The following GRK3 variants were observed in gnomAD, a reference collection of about 807,000 sequenced individuals.
GRK3 encodes the protein adrenergic, beta, receptor kinase 2.
Under a neutral mutation model 95.7 loss-of-function variants are expected in GRK3, and 54 were observed. The observed-to-expected ratio is 0.56, with a 90% CI of 0.45 to 0.71. GRK3 has a LOEUF of 0.71. Ranked by LOEUF, GRK3 falls within the 30% of genes least tolerant of loss-of-function variation. The probability of loss-of-function intolerance (pLI) is 0.00; values close to 1 mark genes in which losing one functional copy is unlikely to be tolerated. For missense variants in GRK3, 649 were observed against 851.2 expected, an observed-to-expected ratio of 0.76 and a Z score of 2.96; for synonymous variants, 281 against 290.8, an observed-to-expected ratio of 0.97 and a Z score of 0.34.
At position 25,714,497 on chromosome 22, in the gene GRK3, A is replaced by G; in HGVS notation, c.1581A>G (p.Glu527=). 6 of 1,614,024 alleles carry G rather than the reference A, an allele frequency of 3.7e-6. No homozygotes were observed. The highest frequency in any genetic ancestry group is 5.1e-6 in the Non-Finnish European group (6 of 1,179,942). ...AAGAAGTAACGGAAACAGTTTATGA[A>G]GCAGTAAATGCAGACACAGATAAAA... ...WQQEVTETVY[E]AVNADTDKIE... The change falls in exon 18 of 21, where the codon GAA becomes GAG. Residue 527 remains glutamate (E), a synonymous_variant. Coordinates refer to ENST00000324198, the MANE Select transcript of GRK3 (RefSeq NM_005160.4).
rs140577458 is a variant in GRK3 at position 25,629,607 on chromosome 22, G to A, written c.191-14985G>A. On this transcript the variant is annotated intron_variant, in intron 2 of 20. Coordinates refer to ENST00000324198, the MANE Select transcript of GRK3 (RefSeq NM_005160.4). The stretch of plus-strand genomic sequence containing the variant: ...GTCGTAAGGGACACCTGGCTGGTGG[G>A]TGGGCAGGTCAGGTCTGGGCAGGTC... 1.0e-3 allele frequency among the ~76,000 whole-genome samples: 156 copies of A among 152,334 alleles called. 1 individual carries two copies. The highest frequency in any genetic ancestry group is 3.7e-3 in the Admixed American group (57 of 15,306).
At chr22:25,648,651 T>C (rs959741697) in intron 3 of GRK3, 11 of 1,014,996 alleles carry the variant, frequency 1.1e-5, no homozygotes, top group South Asian at 9.0e-5. Flanking sequence ...TGTCACTGAA[T>C]TGATGTCAAA....
At chr22:25,602,155 A>G (rs1157815883) in intron 1 of GRK3, among the ~76,000 whole-genome samples, 1 of 152,246 alleles carries the variant, frequency 6.6e-6, no homozygotes, top group Non-Finnish European at 1.5e-5. Flanking sequence ...GGTAGAAAAA[A>G]CATTTGTCTA....
chr22:25,676,094 G>T (rs1337424757), intron 8 of GRK3, among the ~76,000 whole-genome samples: 2 of 152,192 alleles, frequency 1.3e-5, no homozygotes, highest in African/African-American at 2.4e-5. Flanking sequence ...CTTTCGGAAG[G>T]CTGCTTGTTG....
intron 13 of GRK3, among the ~76,000 whole-genome samples, chr22:25,700,720 TG>T (rs2085251907): frequency 6.6e-6 from 1 of 152,158 alleles, no homozygotes; most frequent in Non-Finnish European, 1.5e-5. Flanking sequence ...CCCGAGTAGC[TG>T]GGACTACAGG....
intron 1 of GRK3, among the ~76,000 whole-genome samples, chr22:25,592,339 C>T (rs1322782735): frequency 6.6e-6 from 1 of 152,092 alleles, no homozygotes; most frequent in East Asian, 1.9e-4. Context: ...TTTTCTTATT[C>T]TTGAGCTTTA....
intron 2 of GRK3, among the ~76,000 whole-genome samples, chr22:25,607,493 G>A (rs2084460075): frequency 6.6e-6 from 1 of 151,964 alleles, no homozygotes; most frequent in Non-Finnish European, 1.5e-5. Context: ...TTAACTTACC[G>A]AAGAAATTGG....
chr22:25,718,285 G>A lies in GRK3; in HGVS notation c.1695G>A (p.Met565Ile), dbSNP rs200945813. The change falls in exon 19 of 21, where the codon ATG (methionine) becomes ATA (isoleucine). Residue 565 changes from methionine (M) to isoleucine (I), a missense_variant. This residue lies in a region of GRK3 where 382 missense variants were observed against 493.8 expected (regional missense o/e 0.77). Transcript: ENST00000324198. Reference protein sequence around the residue: ...LGKDCIMHGYMLKLGNPFLTQ... With the variant: ...LGKDCIMHGYILKLGNPFLTQ... Reference sequence around the variant, plus strand: ...AGGACTGTATTATGCACGGGTACATGCTGAAACTGGGAAACCCATTTCTGA... The same window carrying A: ...AGGACTGTATTATGCACGGGTACATACTGAAACTGGGAAACCCATTTCTGA... The A allele has an allele frequency of 5.8e-5, 93 of 1,613,980 alleles. No homozygotes were observed. The highest frequency in any genetic ancestry group is 7.1e-5 in the Non-Finnish European group (84 of 1,180,000).
intron 6 of GRK3, among the ~76,000 whole-genome samples, chr22:25,672,094 A>T (rs1254899594): frequency 6.6e-6 from 1 of 152,234 alleles, no homozygotes. Flanking sequence ...ACAATTAAAG[A>T]AGAAACATGA....
chr22:25,572,874 G>A (rs575795781), intron 1 of GRK3, among the ~76,000 whole-genome samples: 115 of 152,252 alleles, frequency 7.6e-4, no homozygotes, highest in Non-Finnish European at 1.2e-3. Context: ...GAATAACATA[G>A]GATTGTAGTA....
chr22:25,678,297 A>C (rs1050565939), intron 8 of GRK3, among the ~76,000 whole-genome samples: 5 of 152,150 alleles, frequency 3.3e-5, no homozygotes, highest in African/African-American at 1.2e-4. Context: ...TACTAAAAAT[A>C]CAAAAAAATT....
rs369523130 is a variant in GRK3 at position 25,695,070 on chromosome 22, C to T, written c.1053-37C>T. 20 of 1,485,758 alleles carry T rather than the reference C, an allele frequency of 1.3e-5. No homozygotes were observed. In the African/African-American group the frequency reaches 2.2e-4, roughly 16 times the overall value. The allele number at this position is 1,485,758 out of a possible 1,614,324, so 92.0% of individuals were successfully genotyped here. A position where few individuals can be genotyped will look rare whatever the true frequency, so the allele number is the denominator to read the frequency against. The stretch of plus-strand genomic sequence containing the variant: ...CGCTGTTAGTGTTTTCTAAAGTGGG[C>T]ATGCTCTGATAACTGTGTATACTTT... On this transcript the variant is annotated intron_variant, in intron 12 of 20. Transcript: ENST00000324198.
intron 1 of GRK3, among the ~76,000 whole-genome samples, chr22:25,588,016 CT>C: frequency 6.6e-6 from 1 of 152,292 alleles, no homozygotes; most frequent in Middle Eastern, 3.4e-3. Context: ...CCAGGCTGGT[CT>C]CAAACTCCTG....
intron 1 of GRK3, among the ~76,000 whole-genome samples, chr22:25,575,125 C>T (rs1931845717): frequency 6.6e-6 from 1 of 152,170 alleles, no homozygotes; most frequent in African/African-American, 2.4e-5. Context: ...TTATTAAATT[C>T]CACATGGAAA....
chr22:25,580,846 C>T (rs929985005), intron 1 of GRK3, among the ~76,000 whole-genome samples: 1 of 152,150 alleles, frequency 6.6e-6, no homozygotes, highest in Non-Finnish European at 1.5e-5. Flanking sequence ...TGGGATAAGT[C>T]GAGTGGAGTG....
At chr22:25,707,545 C>A (rs569369179) in intron 15 of GRK3, among the ~76,000 whole-genome samples, 6 of 152,226 alleles carry the variant, frequency 3.9e-5, no homozygotes, top group African/African-American at 1.4e-4. Flanking sequence ...AAGACAGGTC[C>A]AGATAGTGAG....
chr22:25,709,283 C>T (rs373435768), intron 15 of GRK3, among the ~76,000 whole-genome samples: 4 of 151,660 alleles, frequency 2.6e-5, no homozygotes, highest in African/African-American at 4.8e-5. Context: ...GTGATCTGCC[C>T]GCCTCAGCCT....
chr22:25,712,153 C>T (rs1316672842), intron 17 of GRK3, among the ~76,000 whole-genome samples: 2 of 152,144 alleles, frequency 1.3e-5, no homozygotes, highest in African/African-American at 4.8e-5. Context: ...AGGGGCTGGG[C>T]CATGATGGTG....
chr22:25,697,242 G>A (rs2085216511), intron 13 of GRK3, among the ~76,000 whole-genome samples: 1 of 152,192 alleles, frequency 6.6e-6, no homozygotes, highest in African/African-American at 2.4e-5. Context: ...GGCTGGGGAG[G>A]ATTTGCTGTA....
Sources: allele counts gnomAD v4.1 joint callset (sites outside exome capture counted in the v4.1 genomes callset), GRCh38; gene constraint gnomAD v4.1.1; regional missense constraint gnomAD v4.1.1; transcripts MANE v1.5; gene names NCBI Gene and HGNC (gene_info 2026-07-23, HGNC 2026-07-21).